The following TEX9 variants were observed in gnomAD, a reference collection of about 807,000 sequenced individuals.
TEX9 encodes the protein testis-expressed protein 9.
TEX9 carries 74 observed loss-of-function variants against 59.6 expected under a neutral mutation model. That is an observed-to-expected ratio of 1.24 (90% CI 1.03 to 1.51). The LOEUF is 1.51. Among genes scored for constraint, TEX9 ranks in the 40% most tolerant of loss-of-function variants. The probability of loss-of-function intolerance (pLI) is 0.00; values close to 1 mark genes in which losing one functional copy is unlikely to be tolerated. For synonymous variants in TEX9, 186 were observed against 152.2 expected (o/e 1.22, Z -1.64); for missense variants, 522 against 447.8 (o/e 1.17, Z -1.49).
chr15:56,340,050 G>A (rs1303070653), intron 1 of TEX9, among the ~76,000 whole-genome samples: 2 of 151,982 alleles, frequency 1.3e-5, no homozygotes, highest in Non-Finnish European at 2.9e-5. Flanking sequence ...GATATGATGG[G>A]TACCACTAAG....
chr15:56,417,458 C>T (rs1470467380), intron 10 of TEX9, among the ~76,000 whole-genome samples: 2 of 151,806 alleles, frequency 1.3e-5, no homozygotes, highest in African/African-American at 4.9e-5. Flanking sequence ...ACCCCAAAGT[C>T]ATTGAGGAGC....
chr15:56,355,172 C>T (rs1449071597), intron 1 of TEX9, among the ~76,000 whole-genome samples: 1 of 152,034 alleles, frequency 6.6e-6, no homozygotes, highest in Non-Finnish European at 1.5e-5. Flanking sequence ...ATAGTTTTAC[C>T]TTTTCCATAA....
At chr15:56,365,360 C>G (rs1356551038), upstream of TEX9, 14 of 1,502,774 alleles carry the variant, frequency 9.3e-6, no homozygotes, top group Admixed American at 2.5e-4. Flanking sequence ...AGTGGGAAGG[C>G]GTAGGCGCCC....
chr15:56,419,498 G>A (rs2049862044), intron 10 of TEX9, among the ~76,000 whole-genome samples: 1 of 151,814 alleles, frequency 6.6e-6, no homozygotes, highest in African/African-American at 2.4e-5. Flanking sequence ...TTTGTCAAAT[G>A]CTTTTTCCCG....
intron 9 of TEX9, among the ~76,000 whole-genome samples, chr15:56,399,619 C>G (rs2048669338): frequency 6.6e-6 from 1 of 152,230 alleles, no homozygotes. Flanking sequence ...GTTCTCCCAG[C>G]ATGGCGTTTG....
At chr15:56,332,871 A>T (rs2046180679) in intron 1 of TEX9, among the ~76,000 whole-genome samples, 1 of 152,172 alleles carries the variant, frequency 6.6e-6, no homozygotes, top group South Asian at 2.1e-4. Flanking sequence ...TTGAAGGATC[A>T]TTAGTGACTA....
chr15:56,414,158 G>T (rs758911639), intron 10 of TEX9, among the ~76,000 whole-genome samples: 1 of 151,728 alleles, frequency 6.6e-6, no homozygotes, highest in East Asian at 1.9e-4. Context: ...CCTCTATATT[G>T]TATTAGTTCA....
chr15:56,245,003 G>C (rs1467096743), intron 1 of TEX9, among the ~76,000 whole-genome samples: 3 of 152,106 alleles, frequency 2.0e-5, no homozygotes, highest in Non-Finnish European at 4.4e-5. Flanking sequence ...ACCTTTCTTT[G>C]GGCCCGTGGG....
chr15:56,393,673 G>T (rs894086678), intron 7 of TEX9: 1 of 152,180 alleles, frequency 6.6e-6, no homozygotes, highest in Non-Finnish European at 1.5e-5. Context: ...AGATCCTGAA[G>T]GTTTGTGGGA....
At chr15:56,285,770 A>G (rs1300956736) in intron 1 of TEX9, among the ~76,000 whole-genome samples, 1 of 152,230 alleles carries the variant, frequency 6.6e-6, no homozygotes, top group Admixed American at 6.5e-5. Flanking sequence ...CAAATTCTTT[A>G]TAATGACTAC....
At chr15:56,308,720 A>AT (rs1416879910) in intron 1 of TEX9, among the ~76,000 whole-genome samples, 1 of 152,036 alleles carries the variant, frequency 6.6e-6, no homozygotes, top group Non-Finnish European at 1.5e-5. Context: ...TTTTAAATTA[A>AT]TTTTTGTATA....
chr15:56,318,137 T>A (rs1386099527), intron 1 of TEX9, among the ~76,000 whole-genome samples: 1 of 152,144 alleles, frequency 6.6e-6, no homozygotes, highest in Non-Finnish European at 1.5e-5. Flanking sequence ...AATCTTTGCT[T>A]TATATATTTT....
chr15:56,334,098 T>G (rs1389928346), intron 1 of TEX9, among the ~76,000 whole-genome samples: 1 of 152,174 alleles, frequency 6.6e-6, no homozygotes, highest in Non-Finnish European at 1.5e-5. Flanking sequence ...CAAAGCAATT[T>G]ATAGATTTAA....
intron 12 of TEX9, chr15:56,429,171 T>A: frequency 6.3e-7 from 1 of 1,597,090 alleles, no homozygotes. Context: ...CAGATCAATA[T>A]CATCCTCTTT....
intron 1 of TEX9, among the ~76,000 whole-genome samples, chr15:56,351,611 G>A (rs1264124985): frequency 6.6e-6 from 1 of 152,148 alleles, no homozygotes; most frequent in African/African-American, 2.4e-5. Context: ...AATGATCTCT[G>A]TGTCTTTAGT....
chr15:56,455,247 GAA>G, the TEX9 span, among the ~76,000 whole-genome samples: 5,496 of 82,738 alleles, frequency 0.066, 186 homozygotes, highest in East Asian at 0.23. Flanking sequence ...ATCGTCAGGT[GAA>G]AAAAAAAAAA....
At chr15:56,322,578 A>G (rs961347829) in intron 1 of TEX9, among the ~76,000 whole-genome samples, 13 of 152,104 alleles carry the variant, frequency 8.5e-5, no homozygotes, top group Non-Finnish European at 1.8e-4. Context: ...ATGTTGTAGT[A>G]CGTGTAGAAA....
rs2045797095 is a variant in TEX9 at position 56,317,236 on chromosome 15, G to C, written c.-106-56205G>C. On this transcript the variant is annotated intron_variant, in intron 1 of 5. Coordinates refer to the TEX9 transcript ENST00000560827. ...CAATATCTTGTTATGAATCTATTCA[G>C]ATTTTCTCTTTATTCTCAAGTCAAA... Among the ~76,000 whole-genome samples the C allele has an allele frequency of 2.6e-5, 4 of 152,190 alleles. No individual in the cohort carries two copies. The South Asian group carries it at 8.3e-4, about 32-fold the overall frequency.
In TEX9 at chr15:56,368,742, A is replaced by G. The variant is rs2047058400; in HGVS notation, c.119+3072A>G. On this transcript the variant is annotated intron_variant, in intron 2 of 12. Coordinates refer to ENST00000352903, the Ensembl canonical transcript of TEX9. ...GTTTGAAATCTTGACTGTATCCATA[A>G]CCATGTACACCCCTCCTTTTGGTAG... is the stretch of plus-strand genomic sequence containing the variant. Among the ~76,000 whole-genome samples the G allele has an allele frequency of 2.6e-5, 4 of 152,294 alleles. No individual in the cohort carries two copies. In the South Asian group the frequency reaches 8.3e-4, roughly 32 times the overall value.
Sources: allele counts gnomAD v4.1 joint callset (sites outside exome capture counted in the v4.1 genomes callset), GRCh38; gene constraint gnomAD v4.1.1; transcripts MANE v1.5; gene names NCBI Gene and HGNC (gene_info 2026-07-23, HGNC 2026-07-21).